The following DLG2 variants were observed in gnomAD, a reference collection of about 807,000 sequenced individuals.
DLG2 encodes the protein discs large MAGUK scaffold protein 2.
In DLG2, 45 loss-of-function variants were observed where a neutral mutation model predicts 132.5. That is an observed-to-expected ratio of 0.34 (90% CI 0.27 to 0.44). The LOEUF (loss-of-function observed/expected upper bound fraction) is 0.44. Among genes scored for constraint, DLG2 ranks in the 20% least tolerant of loss-of-function variants. The pLI is 1.00. For synonymous variants in DLG2, 424 were observed against 419.6 expected, an observed-to-expected ratio of 1.01 and a Z score of -0.13; for missense variants, 1,045 against 1,196.9, an observed-to-expected ratio of 0.87 and a Z score of 1.87.
chr11:84,413,003 A>T (rs1475256242), intron 7 of DLG2, among the ~76,000 whole-genome samples: 1 of 152,214 alleles, frequency 6.6e-6, no homozygotes, highest in Non-Finnish European at 1.5e-5. Context: ...CTTAGTATGC[A>T]TGCCTTCTGG....
intron 21 of DLG2, among the ~76,000 whole-genome samples, chr11:83,499,852 G>GACATATAT (rs2094358910): frequency 1.6e-5 from 1 of 61,624 alleles, no homozygotes; most frequent in Non-Finnish European, 3.3e-5. Context: ...ACTAATAGGA[G>GACATATAT]ATATATATAT....
intron 6 of DLG2, among the ~76,000 whole-genome samples, chr11:84,666,193 T>C (rs558345786): frequency 7.9e-5 from 12 of 152,244 alleles, no homozygotes; most frequent in African/African-American, 2.9e-4. Context: ...ATTAAATCAG[T>C]AGACTGAGTA....
At chr11:83,945,059 A>G (rs2083489186) in intron 14 of DLG2, among the ~76,000 whole-genome samples, 1 of 152,210 alleles carries the variant, frequency 6.6e-6, no homozygotes, top group Non-Finnish European at 1.5e-5. Flanking sequence ...TATGGTCACA[A>G]ATACCATCAC....
chr11:84,986,714 T>C (rs1404818612), intron 6 of DLG2, among the ~76,000 whole-genome samples: 1 of 152,154 alleles, frequency 6.6e-6, no homozygotes, highest in Admixed American at 6.5e-5. Flanking sequence ...TTCAGCGTAT[T>C]TTTATAATTA....
intron 18 of DLG2, among the ~76,000 whole-genome samples, chr11:83,772,468 G>GGGAA (rs1396231429): frequency 5.6e-5 from 8 of 142,562 alleles, no homozygotes; most frequent in Non-Finnish European, 1.1e-4. Flanking sequence ...GAGGGAGGGA[G>GGGAA]GAAGGAAGGA....
intron 7 of DLG2, among the ~76,000 whole-genome samples, chr11:84,365,966 C>T (rs967426447): frequency 6.6e-6 from 1 of 151,950 alleles, no homozygotes; most frequent in Non-Finnish European, 1.5e-5. Flanking sequence ...CAGAGAATGC[C>T]ACAGAGATAC....
At chr11:84,861,196 G>C (rs2083570771) in intron 6 of DLG2, among the ~76,000 whole-genome samples, 1 of 152,050 alleles carries the variant, frequency 6.6e-6, no homozygotes, top group Non-Finnish European at 1.5e-5. Flanking sequence ...TATAAGCTGA[G>C]AGATAAAAGA....
At chr11:84,584,749 CGGG>C (rs2099525344) in intron 6 of DLG2, among the ~76,000 whole-genome samples, 4 of 115,714 alleles carry the variant, frequency 3.5e-5, no homozygotes, top group African/African-American at 6.7e-5. Context: ...AGTGCAGTGG[CGGG>C]ATCTGGGCTC....
chr11:84,822,568 T>C (rs1310278142), intron 6 of DLG2, among the ~76,000 whole-genome samples: 1 of 151,928 alleles, frequency 6.6e-6, no homozygotes, highest in Non-Finnish European at 1.5e-5. Context: ...GAAGCTGAGA[T>C]CTGTGAAGTT....
chr11:84,902,699 C>T (rs542939339), intron 6 of DLG2, among the ~76,000 whole-genome samples: 27 of 152,286 alleles, frequency 1.8e-4, no homozygotes, highest in African/African-American at 5.8e-4. Flanking sequence ...GAGATGCAGA[C>T]TGGCATGTAT....
intron 6 of DLG2, chr11:84,923,091 G>A (rs2154084937): frequency 6.2e-7 from 1 of 1,613,904 alleles, no homozygotes. Context: ...ACGTTAGTCC[G>A]GAGTGCACAG....
chr11:83,778,459 A>G (rs2094677066), intron 18 of DLG2, among the ~76,000 whole-genome samples: 1 of 152,188 alleles, frequency 6.6e-6, no homozygotes, highest in African/African-American at 2.4e-5. Context: ...AATAATATAA[A>G]ATCACAAGAT....
In DLG2 at chr11:84,387,644, C is replaced by T. The variant is rs185032470; in HGVS notation, c.520-136353G>A. 2.2e-3 allele frequency among the ~76,000 whole-genome samples: 339 copies of T among 152,140 alleles called. 1 individual carries two copies. The highest frequency in any genetic ancestry group is 8.0e-3 in the African/African-American group (333 of 41,498). ...CCAAGAAGTGTACAGTACCCAAATG[C>T]CACAAAGATCAAATGTTAGAGTTAC... On this transcript the variant is annotated intron_variant, in intron 7 of 27. Transcript: ENST00000376104.
At chr11:83,928,489 A>G (rs1194418273) in intron 15 of DLG2, among the ~76,000 whole-genome samples, 1 of 152,124 alleles carries the variant, frequency 6.6e-6, no homozygotes, top group African/African-American at 2.4e-5. Flanking sequence ...AAAAAGGAAC[A>G]CAGGATAAAA....
intron 6 of DLG2, among the ~76,000 whole-genome samples, chr11:85,103,358 A>G (rs1203011322): frequency 6.6e-6 from 1 of 151,980 alleles, no homozygotes; most frequent in Non-Finnish European, 1.5e-5. Flanking sequence ...CCAACTTACT[A>G]CAAAGCTACC....
intron 6 of DLG2, among the ~76,000 whole-genome samples, chr11:84,676,928 C>G (rs961198909): frequency 6.6e-6 from 1 of 151,900 alleles, no homozygotes; most frequent in South Asian, 2.1e-4. Flanking sequence ...GAAAAGCCTG[C>G]AGCAGAAAAG....
chr11:83,685,588 A>G (rs1214656746), intron 18 of DLG2, among the ~76,000 whole-genome samples: 1 of 151,928 alleles, frequency 6.6e-6, no homozygotes, highest in Admixed American at 6.6e-5. Flanking sequence ...TTTAAATTTG[A>G]GTGTCCCCAA....
At chr11:84,774,375 G>C (rs1456134089) in intron 6 of DLG2, among the ~76,000 whole-genome samples, 1 of 151,950 alleles carries the variant, frequency 6.6e-6, no homozygotes, top group African/African-American at 2.4e-5. Context: ...TGCCTAAAGT[G>C]GTCTATAGAT....
chr11:85,024,553 C>T lies in DLG2; in HGVS notation c.357+87108G>A, dbSNP rs755263288. Among the ~76,000 whole-genome samples, 14 of 152,134 alleles carry T rather than the reference C, an allele frequency of 9.2e-5. No homozygotes were observed. The South Asian group carries it at 1.2e-3, about 13-fold the overall frequency. On this transcript the variant is annotated intron_variant, in intron 6 of 27. Transcript: ENST00000376104. ...GCACATTCCTGAAGCCCAAAAGAAACGAATAATTGTCTCGACTCTTCATTG... is the reference window on the plus strand; with the variant it reads ...GCACATTCCTGAAGCCCAAAAGAAATGAATAATTGTCTCGACTCTTCATTG...
Sources: allele counts gnomAD v4.1 joint callset (sites outside exome capture counted in the v4.1 genomes callset), GRCh38; gene constraint gnomAD v4.1.1; transcripts MANE v1.5; gene names NCBI Gene and HGNC (gene_info 2026-07-23, HGNC 2026-07-21).